ZNF382: variants seen among roughly 807,000 people sequenced by gnomAD.
ZNF382 encodes the protein zinc finger protein 382.
In ZNF382, 20 loss-of-function variants were observed where a neutral mutation model predicts 38.8. The observed-to-expected ratio is 0.51, with a 90% CI of 0.36 to 0.75. The LOEUF (loss-of-function observed/expected upper bound fraction) is 0.75. Among genes scored for constraint, ZNF382 ranks in the 30% least tolerant of loss-of-function variants. ZNF382 has a pLI of 0.00. For synonymous variants in ZNF382, 202 were observed against 223.1 expected, an observed-to-expected ratio of 0.91 and a Z score of 0.84; for missense variants, 546 against 654.1, an observed-to-expected ratio of 0.83 and a Z score of 1.80.
Position 36,627,525 on chromosome 19 carries a change from A to G in ZNF382, c.1628A>G (p.Lys543Arg). ...CTCATTGTCCATCAGAAAACTCACA[A>G]GGTAGAAACCACGGGAATTCAGTAA... ...SNLIVHQKTH[K>R]VETTGIQ The change falls in exon 5 of 5, where the codon AAG (lysine) becomes AGG (arginine). Residue 543 changes from lysine (K) to arginine (R), a missense_variant. Physicochemically the swap from Lys to Arg is conservative, Grantham distance 26. Transcript: ENST00000292928. The G allele has an allele frequency of 6.2e-7, 1 of 1,612,088 alleles. No homozygotes were observed. The highest frequency in any genetic ancestry group is 8.5e-7 in the Non-Finnish European group (1 of 1,178,270).
At chr19:36,621,324 G>GTTTTTTTTTTTTTTTTTTTTCCTTTT (rs2037167615) in intron 4 of ZNF382, among the ~76,000 whole-genome samples, 2 of 104,470 alleles carry the variant, frequency 1.9e-5, no homozygotes, top group Non-Finnish European at 3.8e-5. Context: ...TTTTTCCCTA[G>GTTTTTTTTTTTTTTTTTTTTCCTTTT]TTTTTTTTTT....
chr19:36,627,545 C>A lies in ZNF382; in HGVS notation c.1648C>A (p.Gln550Lys). 6.2e-7 allele frequency: 1 copy of A among 1,605,980 alleles called. No individual in the cohort carries two copies. Among genetic ancestry groups the A allele is most frequent in the South Asian group, 1.1e-5 (1 of 90,592 alleles). Residue 550 changes from glutamine (Q) to lysine (K), a missense_variant, in exon 5 of 5, where the codon CAG (glutamine) becomes AAG (lysine). By Grantham distance (53) the Gln-to-Lys change is moderately conservative (BLOSUM62 1). Coordinates refer to ENST00000292928, the MANE Select transcript of ZNF382 (RefSeq NM_032825.5). ...TCACAAGGTAGAAACCACGGGAATT[C>A]AGTAAGTAATGTGGCTTTTTTTGTA... is the stretch of plus-strand genomic sequence containing the variant. ...KTHKVETTGI[Q>K]
At chr19:36,622,718 A>G (rs2037179544) in intron 4 of ZNF382, among the ~76,000 whole-genome samples, 1 of 152,174 alleles carries the variant, frequency 6.6e-6, no homozygotes, top group South Asian at 2.1e-4. Flanking sequence ...CTGTCTGGCC[A>G]GCCAAAGACT....
chr19:36,622,567 C>T (rs763126170), intron 4 of ZNF382, among the ~76,000 whole-genome samples: 3 of 152,150 alleles, frequency 2.0e-5, no homozygotes, highest in African/African-American at 7.2e-5. Flanking sequence ...CTCAGCACAG[C>T]CTCAGTGTCC....
intron 4 of ZNF382, among the ~76,000 whole-genome samples, chr19:36,622,097 C>T (rs2037175011): frequency 6.6e-6 from 1 of 151,580 alleles, no homozygotes; most frequent in South Asian, 2.1e-4. Flanking sequence ...TCTTGGCTCA[C>T]TGCAACGTCC....
chr19:36,605,678 C>G (rs553550132), intron 1 of ZNF382: 3 of 152,176 alleles, frequency 2.0e-5, no homozygotes, highest in Non-Finnish European at 2.9e-5. Context: ...TTCGCGCGCG[C>G]GGGCGCGCGC....
rs1213147264 is a variant in ZNF382, at chr19:36,626,801, G to A, written c.904G>A (p.Gly302Arg). ...EEKPFHCPYC[G>R]NNFRRKSYLI... The stretch of plus-strand genomic sequence containing the variant: ...GAAACCCTTTCACTGTCCTTACTGT[G>A]GGAATAACTTTAGAAGGAAGTCATA... Residue 302 changes from glycine (G) to arginine (R), a missense_variant, in exon 5 of 5, where the codon GGG becomes AGG. Coordinates refer to ENST00000292928, the MANE Select transcript of ZNF382 (RefSeq NM_032825.5). 1.2e-6 allele frequency: 2 copies of A among 1,614,054 alleles called. No individual in the cohort carries two copies. Among genetic ancestry groups the A allele is most frequent in the East Asian group, 2.2e-5 (1 of 44,894 alleles).
intron 4 of ZNF382, among the ~76,000 whole-genome samples, chr19:36,618,298 T>C (rs543736282): frequency 6.6e-6 from 1 of 152,348 alleles, no homozygotes; most frequent in East Asian, 1.9e-4. Context: ...TTTTCAGAGC[T>C]AAACAGCCAC....
In ZNF382 at chr19:36,627,338, G is replaced by C; in HGVS notation, c.1441G>C (p.Val481Leu). The C allele has an allele frequency of 6.2e-7, 1 of 1,614,144 alleles. No homozygotes were observed. The highest frequency in any genetic ancestry group is 1.1e-5 in the South Asian group (1 of 91,086). ...KSFRQKAILT[V>L]HHRIHTGEKS... Reference sequence around the variant, plus strand: ...CTTCCGCCAGAAGGCAATCCTCACTGTTCATCACAGAATACATACAGGAGA... The same window carrying C: ...CTTCCGCCAGAAGGCAATCCTCACTCTTCATCACAGAATACATACAGGAGA... Residue 481 changes from valine to leucine, a missense_variant, in exon 5 of 5, where the codon GTT (valine) becomes CTT (leucine). By Grantham distance (32) the Val-to-Leu change is conservative. Coordinates refer to ENST00000292928, the MANE Select transcript of ZNF382 (RefSeq NM_032825.5).
Position 36,629,931 on chromosome 19 carries a change from A to G in ZNF382, c.*2381A>G, listed in dbSNP as rs1176728312. The G allele has an allele frequency of 6.6e-6, 1 of 152,218 alleles. No homozygotes were observed. The highest frequency in any genetic ancestry group is 1.9e-4 in the East Asian group (1 of 5,202). 9.4% of individuals were successfully genotyped at this position (152,218 alleles called of 1,614,324 possible). A position where few individuals can be genotyped will look rare whatever the true frequency, so the allele number is the denominator to read the frequency against. On this transcript the variant is annotated 3_prime_UTR_variant, in exon 5 of 5. Coordinates refer to ENST00000292928, the MANE Select transcript of ZNF382 (RefSeq NM_032825.5). ...CAGAGCGAGACCCTGTCTCATAAATAAATAAATACATAAAGGTGTAAATAT... is the reference window on the plus strand; with the variant it reads ...CAGAGCGAGACCCTGTCTCATAAATGAATAAATACATAAAGGTGTAAATAT...
rs12460430 is a variant in ZNF382 at position 36,607,350 on chromosome 19, A to G, written c.-84-202A>G. On this transcript the variant is annotated intron_variant, in intron 1 of 4. Coordinates refer to ENST00000292928, the MANE Select transcript of ZNF382 (RefSeq NM_032825.5). ...TCCCCAGAATCCTGTATACTTTACC[A>G]AGAGACTGGGTTTCTGGTGTTTGTG... Among the ~76,000 whole-genome samples the G allele has an allele frequency of 5.5e-3, 834 of 152,276 alleles. 23 individuals are homozygous for G. The highest frequency in any genetic ancestry group is 0.037 in the Admixed American group (567 of 15,292).
chr19:36,627,766 T>A lies in ZNF382; in HGVS notation c.*216T>A, dbSNP rs1444882043. 2.1e-6 allele frequency: 1 copy of A among 470,696 alleles called. No homozygotes were observed. The highest frequency in any genetic ancestry group is 3.8e-6 in the Non-Finnish European group (1 of 265,758). 29.2% of individuals were successfully genotyped at this position (470,696 alleles called of 1,614,324 possible). ...TCATTAAGAAGTCCAAACTTTTTTTTTATTACTAGCTTCAGCAGACAAAAA... is the reference window on the plus strand; with the variant it reads ...TCATTAAGAAGTCCAAACTTTTTTTATATTACTAGCTTCAGCAGACAAAAA... On this transcript the variant is annotated 3_prime_UTR_variant, in exon 5 of 5. Transcript: ENST00000292928.
chr19:36,615,559 G>T (rs1314578893), intron 4 of ZNF382, among the ~76,000 whole-genome samples: 3 of 152,054 alleles, frequency 2.0e-5, no homozygotes, highest in Non-Finnish European at 4.4e-5. Context: ...ATTATGTTTG[G>T]ATTGTTCATG....
chr19:36,624,519 T>C (rs1047433050), intron 4 of ZNF382, among the ~76,000 whole-genome samples: 1 of 152,198 alleles, frequency 6.6e-6, no homozygotes, highest in Non-Finnish European at 1.5e-5. Flanking sequence ...TAGTAAGATA[T>C]ACAATAATTT....
intron 4 of ZNF382, 38 bp downstream of exon 4, chr19:36,610,780 C>T: frequency 6.8e-7 from 1 of 1,474,788 alleles, no homozygotes; most frequent in South Asian, 1.2e-5. Flanking sequence ...CATTAAATGT[C>T]AAGTAGTTGA....
In ZNF382 at chr19:36,618,481, A is replaced by G. The variant is rs1479147751; in HGVS notation, c.233-7649A>G. Among the ~76,000 whole-genome samples, 3 of 152,162 alleles carry G rather than the reference A, an allele frequency of 2.0e-5. 1 individual carries two copies. Among genetic ancestry groups the G allele is most frequent in the South Asian group, 4.1e-4 (2 of 4,832 alleles). On this transcript the variant is annotated intron_variant, in intron 4 of 4. Coordinates refer to ENST00000292928, the MANE Select transcript of ZNF382 (RefSeq NM_032825.5). ...CCAGATTTTGTCTTCAAGTTAGGGT[A>G]GCTCTGAACTCTAACCTCTGATTCC...
rs188189660 is a variant in ZNF382, at chr19:36,629,396, C to A, written c.*1846C>A. ...CAGCTGCCAACCATGTAAGTGAGGCCTCTTGGACATCCAGTCAAGCCTTCA... is the reference window on the plus strand; with the variant it reads ...CAGCTGCCAACCATGTAAGTGAGGCATCTTGGACATCCAGTCAAGCCTTCA... On this transcript the variant is annotated 3_prime_UTR_variant, in exon 5 of 5. Transcript: ENST00000292928. 1 of 152,188 alleles carries A rather than the reference C, an allele frequency of 6.6e-6. No individual in the cohort carries two copies. Among genetic ancestry groups the A allele is most frequent in the Admixed American group, 6.6e-5 (1 of 15,260 alleles). The allele number at this position is 152,188 out of a possible 1,614,324, so 9.4% of individuals were successfully genotyped here.
At chr19:36,606,312 T>A (rs2912419) in intron 1 of ZNF382, among the ~76,000 whole-genome samples, 4 of 13,420 alleles carry the variant, frequency 3.0e-4, no homozygotes, top group African/African-American at 5.0e-4. Context: ...ATGCAGGAAA[T>A]TTTTTTTTTT....
At chr19:36,625,086 TTAAATATATATATATATATATATA>T (rs1310012159) in intron 4 of ZNF382, among the ~76,000 whole-genome samples, 3 of 9,846 alleles carry the variant, frequency 3.0e-4, no homozygotes, top group African/African-American at 8.5e-4. Flanking sequence ...AAAAATGAAT[TTAAATATATATATATATATATATA>T]TATATATATA....
Sources: gnomAD v4.1 joint callset for allele counts (sites outside exome capture counted in the v4.1 genomes callset) on GRCh38, gnomAD v4.1.1 for gene constraint, MANE v1.5 for transcripts, NCBI Gene and HGNC (gene_info 2026-07-23, HGNC 2026-07-21) for gene names.